The following USP36 variants were observed in gnomAD, a reference collection of about 807,000 sequenced individuals.
USP36 encodes the protein ubiquitin carboxyl-terminal hydrolase 36.
USP36 carries 59 observed loss-of-function variants against 111.5 expected under a neutral mutation model. The observed-to-expected ratio is 0.53, with a 90% CI of 0.43 to 0.66. The LOEUF is 0.66. USP36 is among the 30% of genes least tolerant of loss of function. USP36 has a pLI of 0.00. For missense variants in USP36, 1,488 were observed against 1,468.0 expected, an observed-to-expected ratio of 1.01 and a Z score of -0.22; for synonymous variants, 628 against 581.0, an observed-to-expected ratio of 1.08 and a Z score of -1.16.
intron 5 of USP36, 108 bp downstream of exon 5, chr17:78,828,789 A>T: frequency 9.0e-7 from 1 of 1,111,194 alleles, no homozygotes; most frequent in Non-Finnish European, 1.3e-6. Flanking sequence ...AGGACTGCTT[A>T]AGGCCAGGAA....
At chr17:78,821,745 G>A (rs900899536) in intron 7 of USP36, among the ~76,000 whole-genome samples, 192 bp downstream of exon 7, 7 of 151,950 alleles carry the variant, frequency 4.6e-5, no homozygotes, top group Non-Finnish European at 7.4e-5. Context: ...GCCCTCGTGG[G>A]AATATTCTAA....
intron 8 of USP36, among the ~76,000 whole-genome samples, chr17:78,820,409 G>A (rs2094291549): frequency 6.6e-6 from 1 of 152,128 alleles, no homozygotes; most frequent in Non-Finnish European, 1.5e-5. Context: ...ACTACAGTGA[G>A]CTATGATTGC....
intron 6 of USP36, chr17:78,826,827 T>G (rs563654703): frequency 6.2e-6 from 3 of 487,794 alleles, no homozygotes; most frequent in Non-Finnish European, 1.1e-5. Flanking sequence ...CATGTACATA[T>G]AAATTATACT....
At chr17:78,823,330 C>A in intron 6 of USP36, 1 of 396,480 alleles carries the variant, frequency 2.5e-6, no homozygotes, top group South Asian at 1.4e-4. Context: ...TGGCGGCTAC[C>A]AAAATCCAGA....
downstream of USP36, among the ~76,000 whole-genome samples, chr17:78,792,881 A>G (rs2093594909): frequency 2.0e-5 from 3 of 151,998 alleles, no homozygotes; most frequent in African/African-American, 7.3e-5. Flanking sequence ...AAGCCCAGCT[A>G]ATTTTTGTAT....
chr17:78,793,842 A>G (rs2093602575), downstream of USP36, among the ~76,000 whole-genome samples: 1 of 151,942 alleles, frequency 6.6e-6, no homozygotes, highest in South Asian at 2.1e-4. Context: ...GCTTTTTCCT[A>G]ACTAGAAGAC....
chr17:78,806,956 C>T lies in USP36; in HGVS notation c.2085+3G>A, dbSNP rs2093919276. ...AGCAGCGGCGAGACCCCCACACACC[C>T]ACCTTCTTGGCAGAAAGGGCCAGTT... is the stretch of plus-strand genomic sequence containing the variant. On this transcript the variant is annotated splice_donor_region_variant and intron_variant, in intron 14 of 20. Coordinates refer to ENST00000449938, the MANE Select transcript of USP36 (RefSeq NM_001385174.1). The T allele has an allele frequency of 6.2e-7, 1 of 1,613,680 alleles. No homozygotes were observed. The highest frequency in any genetic ancestry group is 1.3e-5 in the African/African-American group (1 of 75,070).
intron 3 of USP36, among the ~76,000 whole-genome samples, chr17:78,789,899 C>T (rs1255153896): frequency 2.0e-5 from 3 of 152,180 alleles, no homozygotes; most frequent in Admixed American, 6.5e-5. Context: ...GTGTGGACTG[C>T]GGAGCCACTG....
At chr17:78,794,834 C>G (rs1205138032), downstream of USP36, among the ~76,000 whole-genome samples, 4 of 151,782 alleles carry the variant, frequency 2.6e-5, no homozygotes, top group Non-Finnish European at 5.9e-5. Flanking sequence ...TGGTGGAACC[C>G]CATCTCTACT....
chr17:78,824,109 C>T (rs185789839), intron 6 of USP36, among the ~76,000 whole-genome samples: 1 of 152,340 alleles, frequency 6.6e-6, no homozygotes, highest in Admixed American at 6.5e-5. Context: ...ACACAGCTGC[C>T]CTCCTGGAGG....
Position 78,818,775 on chromosome 17 carries a change from G to A in USP36, c.915C>T (p.Cys305=), listed in dbSNP as rs1350945333. The change falls in exon 10 of 21, where the codon TGC becomes TGT. Residue 305 remains cysteine (C), a synonymous_variant. Coordinates refer to ENST00000449938, the MANE Select transcript of USP36 (RefSeq NM_001385174.1). Reference sequence around the variant, plus strand: ...GCTTGCTGGCTGGAACCTTCTTCTTGCATCTATGAAGAAGGTGATGAGAAA... The same window carrying A: ...GCTTGCTGGCTGGAACCTTCTTCTTACATCTATGAAGAAGGTGATGAGAAA... The part of the protein sequence containing the change: ...SGENAYMCAK[C]KKKVPASKRF... The A allele has an allele frequency of 3.1e-6, 5 of 1,613,342 alleles. No homozygotes were observed. In the South Asian group the frequency reaches 3.3e-5, roughly 11 times the overall value.
At position 78,807,557 on chromosome 17, in the gene USP36, A is replaced by C; in HGVS notation, c.1487T>G (p.Leu496Arg). The change falls in exon 14 of 21, where the codon CTG (leucine) becomes CGG (arginine). Residue 496 changes from leucine to arginine, a missense_variant. Transcript: ENST00000449938. ...GVPISRNGSTLGLKSQNGCIP... is the reference protein window; with the variant it reads ...GVPISRNGSTRGLKSQNGCIP... The stretch of plus-strand genomic sequence containing the variant: ...GCAGCCGTTCTGGGACTTCAGGCCC[A>C]GGGTGGAGCCATTCCTGGATATGGG... 6.2e-7 allele frequency: 1 copy of C among 1,610,386 alleles called. No individual in the cohort carries two copies. The highest frequency in any genetic ancestry group is 8.5e-7 in the Non-Finnish European group (1 of 1,178,250).
chr17:78,811,038 C>G (rs1255373161), intron 13 of USP36, among the ~76,000 whole-genome samples: 1 of 148,338 alleles, frequency 6.7e-6, no homozygotes, highest in African/African-American at 2.5e-5. Context: ...CGCTTGAACC[C>G]AAGAGGCGGA....
chr17:78,829,812 C>T (rs9916289), intron 4 of USP36, among the ~76,000 whole-genome samples: 8,618 of 152,244 alleles, frequency 0.057, 771 homozygotes, highest in African/African-American at 0.19. Flanking sequence ...ACAATCTTGG[C>T]TCACTGCAAC....
intron 18 of USP36, 64 bp from the exon 19 acceptor site, chr17:78,799,087 AAG>A (rs1340543482): frequency 1.8e-5 from 27 of 1,498,004 alleles, no homozygotes; most frequent in Middle Eastern, 1.7e-4. Context: ...GCTTCACTTC[AAG>A]AGTGTCATTT....
intron 4 of USP36, among the ~76,000 whole-genome samples, chr17:78,829,729 G>A (rs1259463657): frequency 4.6e-5 from 7 of 152,316 alleles, no homozygotes; most frequent in Admixed American, 1.3e-4. Flanking sequence ...CGCCTCACTA[G>A]GCATTAGGCT....
chr17:78,839,988 G>A (rs1422304021), intron 1 of USP36, among the ~76,000 whole-genome samples: 1 of 152,214 alleles, frequency 6.6e-6, no homozygotes, highest in Non-Finnish European at 1.5e-5. Flanking sequence ...ACGGACGCTC[G>A]CAGGGTCAAC....
At chr17:78,801,336 C>T (rs1331621133) in intron 17 of USP36, among the ~76,000 whole-genome samples, 3 of 152,182 alleles carry the variant, frequency 2.0e-5, no homozygotes, top group African/African-American at 4.8e-5. Flanking sequence ...CTAGCACCCA[C>T]GTTTTGCTAT....
At chr17:78,793,626 G>GTC (rs2093600854), downstream of USP36, among the ~76,000 whole-genome samples, 1 of 152,174 alleles carries the variant, frequency 6.6e-6, no homozygotes, top group East Asian at 1.9e-4. Flanking sequence ...TCCACACACA[G>GTC]TCCTCCTTTA....
Sources: allele counts gnomAD v4.1 joint callset (sites outside exome capture counted in the v4.1 genomes callset), GRCh38; gene constraint gnomAD v4.1.1; transcripts MANE v1.5; gene names NCBI Gene and HGNC (gene_info 2026-07-23, HGNC 2026-07-21).